The following BCO1 variants were observed in gnomAD, a reference collection of about 807,000 sequenced individuals.
BCO1 encodes beta,beta-carotene 15,15'-dioxygenase.
Under a neutral mutation model 56.3 loss-of-function variants are expected in BCO1, and 54 were observed. That is an observed-to-expected ratio of 0.96 (90% CI 0.77 to 1.20). The LOEUF (loss-of-function observed/expected upper bound fraction) is 1.20, where lower values mean the gene tolerates loss of function less well. Among genes scored for constraint, BCO1 ranks in the 50% most tolerant of loss-of-function variants. The pLI is 0.00. For missense variants in BCO1, 801 were observed against 690.9 expected, an observed-to-expected ratio of 1.16 and a Z score of -1.79; for synonymous variants, 318 against 266.1, an observed-to-expected ratio of 1.20 and a Z score of -1.90.
In BCO1 at chr16:81,268,151, T is replaced by A; in HGVS notation, c.843+20T>A. The A allele has an allele frequency of 6.3e-7, 1 of 1,594,316 alleles. No individual in the cohort carries two copies. The highest frequency in any genetic ancestry group is 8.5e-7 in the Non-Finnish European group (1 of 1,171,278). ...GAGAAGGTGAGGTCTGGCTGGACTC[T>A]AGCCCAGTGGGTGCTGGCTGACCAT... On this transcript the variant is annotated intron_variant, in intron 6 of 10. Coordinates refer to ENST00000258168, the MANE Select transcript of BCO1 (RefSeq NM_017429.3).
At chr16:81,256,713 C>A (rs1265741256) in intron 2 of BCO1, among the ~76,000 whole-genome samples, 1 of 152,020 alleles carries the variant, frequency 6.6e-6, no homozygotes. Flanking sequence ...CAGAGTAAAA[C>A]CTCGTCTCTA....
intron 1 of BCO1, among the ~76,000 whole-genome samples, chr16:81,240,245 C>T (rs1354498071): frequency 6.6e-6 from 1 of 151,964 alleles, no homozygotes; most frequent in East Asian, 1.9e-4. Context: ...ATCTCTTAAC[C>T]ACTATTAATA....
chr16:81,289,184 C>T lies in BCO1; in HGVS notation c.1415-1164C>T, dbSNP rs114898684. ...TGCTCAACTGCTCTTCCACCTGGGACCCTCTGGAGGCATTGAGAGTATTTG... is the reference window on the plus strand; with the variant it reads ...TGCTCAACTGCTCTTCCACCTGGGATCCTCTGGAGGCATTGAGAGTATTTG... On this transcript the variant is annotated intron_variant, in intron 10 of 10. Transcript: ENST00000258168. Among the ~76,000 whole-genome samples, 430 of 152,346 alleles carry T rather than the reference C, an allele frequency of 2.8e-3. 3 individuals carry two copies. The highest frequency in any genetic ancestry group is 0.01 in the African/African-American group (420 of 41,580).
chr16:81,262,313 T>C lies in BCO1; in HGVS notation c.471+30T>C. 1.9e-6 allele frequency: 3 copies of C among 1,604,590 alleles called. No homozygotes were observed. The African/African-American group carries it at 4.0e-5, about 21-fold the overall frequency. On this transcript the variant is annotated intron_variant, in intron 4 of 10. Coordinates refer to ENST00000258168, the MANE Select transcript of BCO1 (RefSeq NM_017429.3). ...CAACACATATGTAACCAGCATCACT[T>C]CCTGACTCAAGAAAGGGAGAGTCGG...
At chr16:81,247,814 C>T (rs1035434857) in intron 2 of BCO1, among the ~76,000 whole-genome samples, 4 of 152,042 alleles carry the variant, frequency 2.6e-5, no homozygotes, top group Non-Finnish European at 4.4e-5. Flanking sequence ...GCATGAGCCA[C>T]CACGCCCGGC....
intron 7 of BCO1, among the ~76,000 whole-genome samples, chr16:81,275,081 C>T (rs563701581): frequency 6.6e-6 from 1 of 152,338 alleles, no homozygotes; most frequent in African/African-American, 2.4e-5. Flanking sequence ...ATCAGAAAGT[C>T]AGGCAGGTGG....
At chr16:81,271,707 G>A (rs1488004124) in intron 7 of BCO1, among the ~76,000 whole-genome samples, 1 of 152,146 alleles carries the variant, frequency 6.6e-6, no homozygotes, top group Non-Finnish European at 1.5e-5. Flanking sequence ...CTGTGTTGTA[G>A]TCCGTATAAG....
Position 81,280,925 on chromosome 16 carries a change from T to A in BCO1, c.1170T>A (p.Asp390Glu). Residue 390 changes from aspartate to glutamate, a missense_variant, in exon 8 of 11, where the codon GAT becomes GAA. Physicochemically the swap from Asp to Glu is conservative, Grantham distance 45 (BLOSUM62 2). Coordinates refer to ENST00000258168, the MANE Select transcript of BCO1 (RefSeq NM_017429.3). The part of the protein sequence containing the change: ...STTATALKEE[D>E]GQVYCQPEFL... Reference sequence around the variant, plus strand: ...CAGCCACGGCCCTGAAGGAAGAAGATGGCCAAGTCTACTGCCAGCCGGAAT... The same window carrying A: ...CAGCCACGGCCCTGAAGGAAGAAGAAGGCCAAGTCTACTGCCAGCCGGAAT... 1 of 1,614,106 alleles carries A rather than the reference T, an allele frequency of 6.2e-7. No individual in the cohort carries two copies. The highest frequency in any genetic ancestry group is 8.5e-7 in the Non-Finnish European group (1 of 1,179,958).
chr16:81,262,394 C>G, intron 4 of BCO1, 111 bp downstream of exon 4: 1 of 1,183,806 alleles, frequency 8.4e-7, no homozygotes, highest in Non-Finnish European at 1.2e-6. Flanking sequence ...GGAGCCCCTC[C>G]TCTAACACCG....
At chr16:81,262,305 G>A in intron 4 of BCO1, 22 bp downstream of exon 4, 4 of 1,607,308 alleles carry the variant, frequency 2.5e-6, no homozygotes, top group Non-Finnish European at 3.4e-6. Flanking sequence ...TATGTAACCA[G>A]CATCACTTCC....
intron 7 of BCO1, among the ~76,000 whole-genome samples, chr16:81,275,858 C>T (rs768448926): frequency 6.6e-6 from 1 of 151,870 alleles, no homozygotes; most frequent in Non-Finnish European, 1.5e-5. Flanking sequence ...CTCTGGGCAC[C>T]GTGGGCCTGT....
chr16:81,256,073 C>A (rs1217753124), intron 2 of BCO1, among the ~76,000 whole-genome samples: 4 of 152,104 alleles, frequency 2.6e-5, no homozygotes, highest in African/African-American at 9.6e-5. Context: ...GCCTCTACCT[C>A]CCAAATTGCT....
intron 2 of BCO1, among the ~76,000 whole-genome samples, chr16:81,256,316 C>A (rs1367683392): frequency 2.6e-5 from 4 of 152,096 alleles, no homozygotes; most frequent in African/African-American, 9.7e-5. Flanking sequence ...TTCTTGGAAA[C>A]ATGTTTTCTC....
intron 4 of BCO1, 52 bp from the exon 5 acceptor site, chr16:81,264,588 C>A: frequency 1.9e-6 from 3 of 1,593,188 alleles, no homozygotes; most frequent in Non-Finnish European, 2.6e-6. Flanking sequence ...TCATATCTTG[C>A]AGGTTGATTA....
intron 2 of BCO1, among the ~76,000 whole-genome samples, chr16:81,255,469 T>C (rs1906071236): frequency 6.6e-6 from 1 of 152,202 alleles, no homozygotes; most frequent in Non-Finnish European, 1.5e-5. Context: ...TATTTTGCTA[T>C]TAATTAACAA....
At chr16:81,242,876 C>T (rs1157590767) in intron 1 of BCO1, among the ~76,000 whole-genome samples, 1 of 152,102 alleles carries the variant, frequency 6.6e-6, no homozygotes, top group East Asian at 1.9e-4. Flanking sequence ...CTACTGTGAG[C>T]GTGAACCCTG....
chr16:81,270,123 G>T (rs752605410), intron 6 of BCO1, 36 bp from the exon 7 acceptor site: 17 of 1,613,306 alleles, frequency 1.1e-5, no homozygotes, highest in Non-Finnish European at 1.4e-5. Context: ...GGCTGAGAGA[G>T]GGTGAGCTGA....
At chr16:81,245,848 T>TA in intron 2 of BCO1, among the ~76,000 whole-genome samples, 1 of 104,750 alleles carries the variant, frequency 9.5e-6, no homozygotes, top group East Asian at 2.5e-4. Flanking sequence ...TCCATCTCTG[T>TA]CTTTTTTTTT....
intron 2 of BCO1, among the ~76,000 whole-genome samples, chr16:81,250,232 T>C (rs950149954): frequency 1.3e-5 from 2 of 152,118 alleles, no homozygotes; most frequent in Admixed American, 1.3e-4. Context: ...AGCTCAGACA[T>C]AGACGCAATA....
Sources: gnomAD v4.1 joint callset for allele counts (sites outside exome capture counted in the v4.1 genomes callset) on GRCh38, gnomAD v4.1.1 for gene constraint, MANE v1.5 for transcripts, NCBI Gene and HGNC (gene_info 2026-07-23, HGNC 2026-07-21) for gene names.